The following CSMD1 variants were observed in gnomAD, a reference collection of about 807,000 sequenced individuals.
The protein encoded by CSMD1 is CUB and Sushi multiple domains 1.
Under a neutral mutation model 417.5 loss-of-function variants are expected in CSMD1, and 213 were observed. That is an observed-to-expected ratio of 0.51 (90% CI 0.46 to 0.57). The LOEUF (loss-of-function observed/expected upper bound fraction) is 0.57, where lower values mean the gene tolerates loss of function less well. CSMD1 is among the 20% of genes least tolerant of loss of function. CSMD1 has a pLI of 0.00. For synonymous variants in CSMD1, 2,862 were observed against 1,736.8 expected, an observed-to-expected ratio of 1.65 and a Z score of -16.11; for missense variants, 6,923 against 4,529.7, an observed-to-expected ratio of 1.53 and a Z score of -15.17.
At chr8:4,566,273 A>G (rs2130634562) in intron 2 of CSMD1, among the ~76,000 whole-genome samples, 1 of 152,288 alleles carries the variant, frequency 6.6e-6, no homozygotes, top group African/African-American at 2.4e-5. Flanking sequence ...GGCACCATCT[A>G]GTAAGTTATT....
chr8:4,788,112 G>A (rs1486733066), intron 1 of CSMD1: 3 of 1,603,668 alleles, frequency 1.9e-6, no homozygotes, highest in African/African-American at 1.3e-5. Context: ...TCAGTGCAGG[G>A]TTGTAGTGTT....
chr8:4,338,047 C>A (rs892667384), intron 3 of CSMD1, among the ~76,000 whole-genome samples: 1 of 152,112 alleles, frequency 6.6e-6, no homozygotes, highest in African/African-American at 2.4e-5. Flanking sequence ...CAAGAATCTG[C>A]TTCAATAAAG....
intron 1 of CSMD1, among the ~76,000 whole-genome samples, chr8:4,942,404 A>C (rs1260037398): frequency 6.6e-6 from 1 of 152,164 alleles, no homozygotes; most frequent in African/African-American, 2.4e-5. Flanking sequence ...ATCATGTTGT[A>C]CTGGAGGAAT....
At chr8:4,934,699 AATCT>A (rs755634799) in intron 1 of CSMD1, among the ~76,000 whole-genome samples, 11 of 152,192 alleles carry the variant, frequency 7.2e-5, no homozygotes, top group East Asian at 5.8e-4. Context: ...TATAATCTAT[AATCT>A]ATCAATCAGT....
intron 50 of CSMD1, among the ~76,000 whole-genome samples, chr8:3,050,961 G>C (rs1159245338): frequency 6.6e-6 from 1 of 152,164 alleles, no homozygotes; most frequent in African/African-American, 2.4e-5. Flanking sequence ...ATACTGGTGA[G>C]GCAGTGGAGA....
At chr8:4,214,155 CT>C (rs1206961165) in intron 3 of CSMD1, among the ~76,000 whole-genome samples, 1 of 152,072 alleles carries the variant, frequency 6.6e-6, no homozygotes, top group Non-Finnish European at 1.5e-5. Flanking sequence ...TGGATCTCTA[CT>C]TTGTATTTTA....
chr8:3,485,270 C>G (rs1480688148), intron 11 of CSMD1, among the ~76,000 whole-genome samples: 1 of 152,246 alleles, frequency 6.6e-6, no homozygotes, highest in East Asian at 1.9e-4. Context: ...GGGAATTTTG[C>G]TGAGTGAGAA....
chr8:4,884,801 T>C (rs1268993073), intron 1 of CSMD1, among the ~76,000 whole-genome samples: 1 of 152,072 alleles, frequency 6.6e-6, no homozygotes, highest in East Asian at 1.9e-4. Context: ...AAGCATGAGT[T>C]CTCTAACTTT....
intron 12 of CSMD1, among the ~76,000 whole-genome samples, chr8:3,419,990 C>T (rs74891327): frequency 0.013 from 1,953 of 152,240 alleles, 44 homozygotes; most frequent in East Asian, 0.096. Flanking sequence ...TAATCGTTCG[C>T]ATCTCCTTAA....
intron 3 of CSMD1, among the ~76,000 whole-genome samples, chr8:4,408,937 T>G (rs1288976431): frequency 3.3e-5 from 5 of 152,144 alleles, no homozygotes; most frequent in African/African-American, 1.2e-4. Flanking sequence ...AATCATAAAT[T>G]TACATGTTGC....
chr8:4,628,062 G>C (rs1023136711), intron 2 of CSMD1, among the ~76,000 whole-genome samples: 4 of 151,646 alleles, frequency 2.6e-5, no homozygotes, highest in African/African-American at 7.3e-5. Context: ...AGTGGAGAAA[G>C]GCTGATAGAA....
intron 3 of CSMD1, among the ~76,000 whole-genome samples, chr8:4,418,415 G>A (rs1212556528): frequency 6.6e-6 from 1 of 152,004 alleles, no homozygotes; most frequent in Non-Finnish European, 1.5e-5. Context: ...ATATTTGATA[G>A]AATTATTCAT....
chr8:3,351,845 T>A (rs2117663257), intron 21 of CSMD1, among the ~76,000 whole-genome samples: 1 of 151,436 alleles, frequency 6.6e-6, no homozygotes, highest in African/African-American at 2.4e-5. Flanking sequence ...TACCTATATT[T>A]TTCAAAGATT....
At chr8:3,995,750 T>G (rs551846697) in intron 5 of CSMD1, among the ~76,000 whole-genome samples, 1 of 152,160 alleles carries the variant, frequency 6.6e-6, no homozygotes, top group Non-Finnish European at 1.5e-5. Context: ...ACAATATAAG[T>G]CATCCCAAGA....
chr8:4,858,802 G>A (rs1387683516), intron 1 of CSMD1, among the ~76,000 whole-genome samples: 1 of 142,818 alleles, frequency 7.0e-6, no homozygotes, highest in African/African-American at 2.6e-5. Context: ...CACGCTCATG[G>A]GTAGGAAGAA....
At chr8:3,012,060 T>G (rs1808430479) in intron 52 of CSMD1, among the ~76,000 whole-genome samples, 1 of 152,192 alleles carries the variant, frequency 6.6e-6, no homozygotes, top group Admixed American at 6.5e-5. Context: ...CTTGGCAATT[T>G]ACAGAACTCT....
At chr8:4,366,345 G>A (rs753596557) in intron 3 of CSMD1, among the ~76,000 whole-genome samples, 1 of 152,070 alleles carries the variant, frequency 6.6e-6, no homozygotes, top group Non-Finnish European at 1.5e-5. Flanking sequence ...GAACATCGTG[G>A]CTGATTCCAC....
intron 17 of CSMD1, among the ~76,000 whole-genome samples, chr8:3,389,141 G>C (rs926561525): frequency 6.6e-6 from 1 of 152,054 alleles, no homozygotes; most frequent in Non-Finnish European, 1.5e-5. Flanking sequence ...TTAAGTTCAG[G>C]GGTACATGTG....
At chr8:4,603,858 ATTTAAT>A (rs1040330025) in intron 2 of CSMD1, among the ~76,000 whole-genome samples, 3 of 152,100 alleles carry the variant, frequency 2.0e-5, no homozygotes, top group Non-Finnish European at 4.4e-5. Flanking sequence ...AATTTTAATG[ATTTAAT>A]TTTAATTTTA....
Sources: gnomAD v4.1 joint callset for allele counts (sites outside exome capture counted in the v4.1 genomes callset) on GRCh38, gnomAD v4.1.1 for gene constraint, MANE v1.5 for transcripts, NCBI Gene and HGNC (gene_info 2026-07-23, HGNC 2026-07-21) for gene names.